The following AIDA variants were observed in gnomAD, a reference collection of about 807,000 sequenced individuals.
AIDA encodes axin interactor, dorsalization associated.
A neutral mutation model predicts 42.7 loss-of-function variants in AIDA; 18 were observed. The observed-to-expected ratio is 0.42, with a 90% CI of 0.29 to 0.63. AIDA has a LOEUF of 0.63. AIDA is among the 20% of genes least tolerant of loss of function. The pLI is 0.19. For missense variants in AIDA, 250 were observed against 354.1 expected, an observed-to-expected ratio of 0.71 and a Z score of 2.36; for synonymous variants, 104 against 122.9, an observed-to-expected ratio of 0.85 and a Z score of 1.02.
At position 222,684,594 on chromosome 1, in the gene AIDA, A is replaced by G. The variant is rs115407708; in HGVS notation, c.460+2336T>C. Among the ~76,000 whole-genome samples, 874 of 152,340 alleles carry G rather than the reference A, an allele frequency of 5.7e-3. 5 individuals carry two copies. Among genetic ancestry groups the G allele is most frequent in the African/African-American group, 0.019 (799 of 41,576 alleles). On this transcript the variant is annotated intron_variant, in intron 6 of 9. Coordinates refer to ENST00000340020, the MANE Select transcript of AIDA (RefSeq NM_022831.4). ...TTTTTAATAACACAGGCCCTGAACA[A>G]TATGATCCCAAACCAAATATAGCTA...
At chr1:222,703,775 T>C (rs1391657853) in intron 1 of AIDA, among the ~76,000 whole-genome samples, 2 of 152,170 alleles carry the variant, frequency 1.3e-5, no homozygotes, top group Non-Finnish European at 2.9e-5. Flanking sequence ...ATTGTCCAAT[T>C]ATCATTATAC....
chr1:222,670,027 T>C, intron 9 of AIDA, 38 bp from the exon 10 acceptor site: 3 of 1,613,112 alleles, frequency 1.9e-6, no homozygotes, highest in Non-Finnish European at 1.7e-6. Context: ...TTAAAATACA[T>C]TGATAACTGA....
At chr1:222,685,268 C>T (rs1664724041) in intron 6 of AIDA, among the ~76,000 whole-genome samples, 1 of 152,176 alleles carries the variant, frequency 6.6e-6, no homozygotes, top group Non-Finnish European at 1.5e-5. Context: ...TACTTAGTAT[C>T]TTGTTAATCT....
intron 8 of AIDA, among the ~76,000 whole-genome samples, chr1:222,671,355 C>A (rs141551269): frequency 2.0e-5 from 3 of 152,126 alleles, no homozygotes; most frequent in South Asian, 2.1e-4. Context: ...ATGTGGCCAA[C>A]AAAAATGAAT....
intron 6 of AIDA, among the ~76,000 whole-genome samples, chr1:222,683,480 ATTC>A (rs1664688467): frequency 6.6e-6 from 1 of 152,218 alleles, no homozygotes; most frequent in Admixed American, 6.5e-5. Context: ...GGTAAATTTC[ATTC>A]TTTATTTTGA....
rs563948098 is a variant in AIDA at position 222,700,631 on chromosome 1, C to T, written c.180+2517G>A. Among the ~76,000 whole-genome samples the T allele has an allele frequency of 4.9e-4, 75 of 151,746 alleles. No individual in the cohort carries two copies. In the East Asian group the frequency reaches 0.012, roughly 24 times the overall value. ...ATTAGCTGGGCGCGGTGGCGGGCGC[C>T]TTAGTCCCAGCTACTCGGGAGGCTG... On this transcript the variant is annotated intron_variant, in intron 2 of 9. Transcript: ENST00000340020.
chr1:222,712,419 G>A lies in AIDA; in HGVS notation c.-102C>T, dbSNP rs1656111944. 1.4e-6 allele frequency: 2 copies of A among 1,450,800 alleles called. No homozygotes were observed. Among genetic ancestry groups the A allele is most frequent in the Non-Finnish European group, 9.1e-7 (1 of 1,102,666 alleles). 89.9% of individuals were successfully genotyped at this position (1,450,800 alleles called of 1,614,324 possible). On this transcript the variant is annotated 5_prime_UTR_variant, in exon 1 of 10. Coordinates refer to ENST00000340020, the MANE Select transcript of AIDA (RefSeq NM_022831.4). ...GGCCCCGACATTAACAGGGCCAGGA[G>A]GAACCGCTACGGCCACCACCGCCAC...
At chr1:222,682,393 T>C (rs1368725933) in intron 6 of AIDA, among the ~76,000 whole-genome samples, 1 of 152,196 alleles carries the variant, frequency 6.6e-6, no homozygotes, top group African/African-American at 2.4e-5. Context: ...ATTTGATTTT[T>C]ATATGATATT....
rs1333215360 is a variant in AIDA at position 222,669,023 on chromosome 1, G to C, written c.*870C>G. ...TTTAAGGTTTCACAATCAGTTGTCAGAAAAACAGCAGTTATGCCTGCAGTA... is the reference window on the plus strand; with the variant it reads ...TTTAAGGTTTCACAATCAGTTGTCACAAAAACAGCAGTTATGCCTGCAGTA... On this transcript the variant is annotated 3_prime_UTR_variant, in exon 10 of 10. Transcript: ENST00000340020. 2.0e-5 allele frequency: 3 copies of C among 152,172 alleles called. No individual in the cohort carries two copies. Among genetic ancestry groups the C allele is most frequent in the Non-Finnish European group, 1.5e-5 (1 of 68,038 alleles). 9.4% of individuals were successfully genotyped at this position (152,172 alleles called of 1,614,324 possible).
rs377085130 is a variant in AIDA, at chr1:222,701,048, C to T, written c.180+2100G>A. On this transcript the variant is annotated intron_variant, in intron 2 of 9. Coordinates refer to ENST00000340020, the MANE Select transcript of AIDA (RefSeq NM_022831.4). ...CATGATCTCAGCTCACTGCAATCTCCGCCTCCCGAGTTCAGGTGATCCTCC... is the reference window on the plus strand; with the variant it reads ...CATGATCTCAGCTCACTGCAATCTCTGCCTCCCGAGTTCAGGTGATCCTCC... 2.0e-4 allele frequency among the ~76,000 whole-genome samples: 30 copies of T among 149,538 alleles called. No homozygotes were observed. The South Asian group carries it at 4.7e-3, about 23-fold the overall frequency.
chr1:222,696,415 G>A (rs1028620675), intron 2 of AIDA, among the ~76,000 whole-genome samples: 1 of 152,186 alleles, frequency 6.6e-6, no homozygotes, highest in Non-Finnish European at 1.5e-5. Context: ...GCTCTCCTAA[G>A]TGATTTACAA....
At chr1:222,673,469 T>G (rs753789714) in intron 7 of AIDA, 34 bp from the exon 8 acceptor site, 1 of 1,525,498 alleles carries the variant, frequency 6.6e-7, no homozygotes, top group Middle Eastern at 1.7e-4. Context: ...TTAGGAACAT[T>G]CAAATATACA....
At chr1:222,699,396 A>G (rs911846629) in intron 2 of AIDA, among the ~76,000 whole-genome samples, 1 of 152,232 alleles carries the variant, frequency 6.6e-6, no homozygotes, top group African/African-American at 2.4e-5. Flanking sequence ...CAGATCCAAC[A>G]GTTTATATCA....
At chr1:222,685,881 C>T (rs1427615389) in intron 6 of AIDA, among the ~76,000 whole-genome samples, 5 of 152,166 alleles carry the variant, frequency 3.3e-5, no homozygotes, top group South Asian at 2.1e-4. Context: ...TACTTATGGC[C>T]GGGCGCAATG....
Position 222,673,565 on chromosome 1 carries a change from A to G in AIDA, c.584-130T>C, listed in dbSNP as rs1664488496. ...GCCGAGGCGGGCAGATGACAAGGTC[A>G]GGAGATCAAGAACATCCTGGCTAAC... On this transcript the variant is annotated intron_variant, in intron 7 of 9. Coordinates refer to ENST00000340020, the MANE Select transcript of AIDA (RefSeq NM_022831.4). 4 of 553,946 alleles carry G rather than the reference A, an allele frequency of 7.2e-6. No individual in the cohort carries two copies. In the Admixed American group the frequency reaches 1.7e-4, roughly 23 times the overall value. The allele number at this position is 553,946 out of a possible 1,614,324, so 34.3% of individuals were successfully genotyped here.
chr1:222,672,657 G>A (rs1004857031), intron 8 of AIDA, among the ~76,000 whole-genome samples: 4 of 152,210 alleles, frequency 2.6e-5, no homozygotes, highest in Admixed American at 6.5e-5. Flanking sequence ...CACCAGACTT[G>A]AGAAGTGAAA....
intron 1 of AIDA, among the ~76,000 whole-genome samples, chr1:222,709,289 G>T (rs1438471418): frequency 6.6e-6 from 1 of 152,068 alleles, no homozygotes; most frequent in African/African-American, 2.4e-5. Context: ...AAATTAGTTG[G>T]ACGTGGTAGT....
At chr1:222,700,445 G>A (rs969155361) in intron 2 of AIDA, among the ~76,000 whole-genome samples, 3 of 152,142 alleles carry the variant, frequency 2.0e-5, no homozygotes, top group African/African-American at 7.2e-5. Flanking sequence ...GCTGCCTCCT[G>A]GTCCTTTTGG....
chr1:222,712,014 C>T (rs780544470), intron 1 of AIDA, 194 bp downstream of exon 1: 41 of 732,562 alleles, frequency 5.6e-5, no homozygotes, highest in Non-Finnish European at 5.7e-5. Flanking sequence ...AGGCGAGTCA[C>T]CCCAGAGAGC....
Sources: gnomAD v4.1 joint callset for allele counts (sites outside exome capture counted in the v4.1 genomes callset) on GRCh38, gnomAD v4.1.1 for gene constraint, MANE v1.5 for transcripts, NCBI Gene and HGNC (gene_info 2026-07-23, HGNC 2026-07-21) for gene names.